Variants in CHCHD3 observed in about 807,000 individuals in gnomAD.
The protein encoded by CHCHD3 is MICOS complex subunit MIC19.
CHCHD3 carries 20 observed loss-of-function variants against 38.2 expected under a neutral mutation model. The ratio of observed to expected loss-of-function variants is 0.52; its 90% CI spans 0.37 to 0.76. The LOEUF is 0.76. Ranked by LOEUF, CHCHD3 falls within the 30% of genes least tolerant of loss-of-function variation. The pLI is 0.00. For missense variants in CHCHD3, 245 were observed against 279.2 expected, an observed-to-expected ratio of 0.88 and a Z score of 0.87; for synonymous variants, 82 against 100.0, an observed-to-expected ratio of 0.82 and a Z score of 1.07.
chr7:132,918,883 CA>C (rs1295946297), intron 4 of CHCHD3, among the ~76,000 whole-genome samples: 1 of 152,080 alleles, frequency 6.6e-6, no homozygotes, highest in Non-Finnish European at 1.5e-5. Flanking sequence ...ACTTGGTAAG[CA>C]GCTGACTTAA....
intron 4 of CHCHD3, among the ~76,000 whole-genome samples, chr7:132,930,619 C>T (rs1304076292): frequency 6.6e-6 from 1 of 152,282 alleles, no homozygotes; most frequent in African/African-American, 2.4e-5. Flanking sequence ...TTCTTCCCCG[C>T]TATCCTTTTG....
intron 3 of CHCHD3, among the ~76,000 whole-genome samples, chr7:133,015,473 T>A (rs1435255987): frequency 3.3e-5 from 5 of 152,164 alleles, no homozygotes; most frequent in Non-Finnish European, 7.4e-5. Flanking sequence ...AGAATTTTTT[T>A]AAATACTGTA....
intron 4 of CHCHD3, among the ~76,000 whole-genome samples, chr7:132,947,051 A>C (rs1294538049): frequency 6.6e-6 from 1 of 151,980 alleles, no homozygotes; most frequent in Non-Finnish European, 1.5e-5. Context: ...ACTTATTTAC[A>C]AGACAGATAC....
chr7:132,932,990 G>C (rs1810550168), intron 4 of CHCHD3, among the ~76,000 whole-genome samples: 1 of 152,164 alleles, frequency 6.6e-6, no homozygotes, highest in Non-Finnish European at 1.5e-5. Context: ...CAAAAAGCAA[G>C]GCTGACACAA....
At chr7:132,837,662 G>A (rs574953441) in intron 6 of CHCHD3, among the ~76,000 whole-genome samples, 6 of 152,282 alleles carry the variant, frequency 3.9e-5, no homozygotes, top group African/African-American at 1.4e-4. Flanking sequence ...AGAGCCCGAT[G>A]CAATCTTTCA....
At chr7:132,858,633 T>G (rs2117128093) in intron 5 of CHCHD3, among the ~76,000 whole-genome samples, 1 of 152,272 alleles carries the variant, frequency 6.6e-6, no homozygotes, top group East Asian at 1.9e-4. Flanking sequence ...AAATAAATTT[T>G]TAGTCTTCAG....
intron 3 of CHCHD3, among the ~76,000 whole-genome samples, chr7:133,006,456 G>A (rs1678110862): frequency 6.6e-6 from 1 of 151,072 alleles, no homozygotes; most frequent in African/African-American, 2.4e-5. Context: ...AACAGAGCAA[G>A]ACTCCGTCTC....
chr7:132,959,989 G>GT (rs1811273141), intron 4 of CHCHD3, among the ~76,000 whole-genome samples: 1 of 152,154 alleles, frequency 6.6e-6, no homozygotes, highest in Admixed American at 6.5e-5. Flanking sequence ...AGTAACAAAC[G>GT]TATCTCCAGA....
At chr7:132,948,330 C>T (rs958940058) in intron 4 of CHCHD3, among the ~76,000 whole-genome samples, 5 of 151,934 alleles carry the variant, frequency 3.3e-5, no homozygotes, top group African/African-American at 1.2e-4. Context: ...AAGAGATGTG[C>T]TTTTTCATGC....
intron 4 of CHCHD3, among the ~76,000 whole-genome samples, chr7:132,911,719 A>T (rs1326142638): frequency 6.6e-6 from 1 of 152,212 alleles, no homozygotes; most frequent in Non-Finnish European, 1.5e-5. Context: ...ATGGCTTCAT[A>T]GCAACTGCCT....
chr7:132,962,732 G>C (rs1243636593), intron 4 of CHCHD3, among the ~76,000 whole-genome samples: 1 of 152,116 alleles, frequency 6.6e-6, no homozygotes, highest in East Asian at 1.9e-4. Flanking sequence ...TTAATCTATA[G>C]GTCTGAATGA....
chr7:133,006,146 T>A (rs922305819), intron 3 of CHCHD3, among the ~76,000 whole-genome samples: 1 of 152,102 alleles, frequency 6.6e-6, no homozygotes, highest in Admixed American at 6.6e-5. Flanking sequence ...GACTATTCCA[T>A]CCCACTAGTA....
chr7:133,052,894 T>A (rs770844016), intron 2 of CHCHD3, among the ~76,000 whole-genome samples: 9 of 152,170 alleles, frequency 5.9e-5, no homozygotes, highest in Non-Finnish European at 1.0e-4. Context: ...TATTTGGGTT[T>A]CCAAGTTAAC....
chr7:132,822,058 A>G (rs1807392155), intron 6 of CHCHD3, among the ~76,000 whole-genome samples: 1 of 152,170 alleles, frequency 6.6e-6, no homozygotes, highest in Admixed American at 6.5e-5. Context: ...CTGGAGCAAC[A>G]ATCCTATTTT....
intron 4 of CHCHD3, among the ~76,000 whole-genome samples, chr7:132,967,095 C>T (rs936953653): frequency 6.6e-6 from 1 of 152,158 alleles, no homozygotes; most frequent in African/African-American, 2.4e-5. Context: ...TAAGTTATTA[C>T]GGCTAACACA....
chr7:132,968,855 C>T (rs1811541617), intron 4 of CHCHD3, among the ~76,000 whole-genome samples: 1 of 152,176 alleles, frequency 6.6e-6, no homozygotes, highest in African/African-American at 2.4e-5. Flanking sequence ...TAGAACCTCA[C>T]TTGGACAGCA....
intron 4 of CHCHD3, among the ~76,000 whole-genome samples, chr7:132,967,827 CAAAA>C (rs11290365): frequency 3.1e-5 from 4 of 127,962 alleles, no homozygotes; most frequent in Non-Finnish European, 3.3e-5. Flanking sequence ...GACCCTGTCT[CAAAA>C]AAAAAAAAAA....
At chr7:132,895,425 T>C (rs1585613520) in intron 4 of CHCHD3, among the ~76,000 whole-genome samples, 1 of 152,342 alleles carries the variant, frequency 6.6e-6, no homozygotes, top group African/African-American at 2.4e-5. Context: ...AAGCAAAATG[T>C]CTCCAGACAT....
chr7:133,035,791 T>C lies in CHCHD3; in HGVS notation c.170-11164A>G. On this transcript the variant is annotated intron_variant, in intron 2 of 7. Transcript: ENST00000262570. The surrounding 1 kb of genome is among the most constrained non-coding windows in gnomAD (Gnocchi z 4.7). Reference sequence around the variant, plus strand: ...TTGCGAAGAAATTCAGAGGTGCGGTTGGTTTGGCCAAAATGGAAGTGGGGT... The same window carrying C: ...TTGCGAAGAAATTCAGAGGTGCGGTCGGTTTGGCCAAAATGGAAGTGGGGT... 1.2e-6 allele frequency: 2 copies of C among 1,613,140 alleles called. No homozygotes were observed. Among genetic ancestry groups the C allele is most frequent in the South Asian group, 1.1e-5 (1 of 91,056 alleles).
Sources: gnomAD v4.1 joint callset for allele counts (sites outside exome capture counted in the v4.1 genomes callset) on GRCh38, gnomAD v4.1.1 for gene constraint, Gnocchi (gnomAD v3.1) non-coding constraint, MANE v1.5 for transcripts, NCBI Gene and HGNC (gene_info 2026-07-23, HGNC 2026-07-21) for gene names.